Variants in NEURL1B observed in about 807,000 individuals in gnomAD.
NEURL1B encodes E3 ubiquitin-protein ligase NEURL1B.
In NEURL1B, 13 loss-of-function variants were observed where a neutral mutation model predicts 37.4. The ratio of observed to expected loss-of-function variants is 0.35; its 90% confidence interval spans 0.23 to 0.55. The LOEUF (loss-of-function observed/expected upper bound fraction) is 0.55, where lower values mean the gene tolerates loss of function less well. Ranked by LOEUF, NEURL1B falls within the 20% of genes least tolerant of loss-of-function variation. NEURL1B has a pLI of 0.89. For missense variants in NEURL1B, 790 were observed against 879.2 expected (o/e 0.90, Z 1.28); for synonymous variants, 432 against 426.6 (o/e 1.01, Z -0.16).
rs1395407423 is a variant in NEURL1B at position 172,675,030 on chromosome 5, C to T, written c.577+4700C>T. ...GATGACAGGCGCCTGCCACCACGCC[C>T]GGCTAATTTTTGTATTTTTAGTAAA... On this transcript the variant is annotated intron_variant, in intron 2 of 4. Transcript: ENST00000369800. This position sits in a 1 kb window ranked among gnomAD's most constrained non-coding sequence, Gnocchi z 4.7. Among the ~76,000 whole-genome samples, 15 of 152,062 alleles carry T rather than the reference C, an allele frequency of 9.9e-5. No individual in the cohort carries two copies. The highest frequency in any genetic ancestry group is 4.2e-4 in the South Asian group (2 of 4,810).
intron 2 of NEURL1B, among the ~76,000 whole-genome samples, chr5:172,681,280 G>C (rs1385699895): frequency 6.6e-6 from 1 of 152,114 alleles, no homozygotes; most frequent in African/African-American, 2.4e-5. Context: ...AGATAATACA[G>C]AAAAATCTAA....
At chr5:172,646,244 C>G (rs1160774211) in intron 1 of NEURL1B, among the ~76,000 whole-genome samples, 1 of 152,182 alleles carries the variant, frequency 6.6e-6, no homozygotes, top group Non-Finnish European at 1.5e-5. Context: ...CTCTCTGTGC[C>G]TCAGTTTCCT....
Position 172,665,654 on chromosome 5 carries a change from G to A in NEURL1B, c.32-4131G>A, listed in dbSNP as rs1377896441. On this transcript the variant is annotated intron_variant, in intron 1 of 4. Coordinates refer to ENST00000369800, the MANE Select transcript of NEURL1B (RefSeq NM_001142651.3). The surrounding 1 kb of genome is among the most constrained non-coding windows in gnomAD (Gnocchi z 4.1). Reference sequence around the variant, plus strand: ...TACAAGGCAGTGACTGCCCAACCTGGCACACCCCCTGCCACACCTACCGTA... The same window carrying A: ...TACAAGGCAGTGACTGCCCAACCTGACACACCCCCTGCCACACCTACCGTA... 6.6e-6 allele frequency among the ~76,000 whole-genome samples: 1 copy of A among 151,980 alleles called. No individual in the cohort carries two copies. The highest frequency in any genetic ancestry group is 1.5e-5 in the Non-Finnish European group (1 of 67,986).
intron 2 of NEURL1B, among the ~76,000 whole-genome samples, chr5:172,673,523 C>T (rs1374148888): frequency 1.3e-5 from 2 of 152,154 alleles, no homozygotes; most frequent in Non-Finnish European, 2.9e-5. Flanking sequence ...ACAAAAGTGG[C>T]ATCTGGGTAG....
At chr5:172,653,375 A>G (rs1164498615) in intron 1 of NEURL1B, among the ~76,000 whole-genome samples, 1 of 152,112 alleles carries the variant, frequency 6.6e-6, no homozygotes, top group Non-Finnish European at 1.5e-5. Flanking sequence ...TTTCACCTTT[A>G]TATTAGTGTG....
rs751077362 is a variant in NEURL1B, at chr5:172,665,340, C to T, written c.32-4445C>T. ...TCTGCTGTCCCTGAGCTATCTCTGC[C>T]GATGGTCTGCACCCGGGTGCTGTTT... On this transcript the variant is annotated intron_variant, in intron 1 of 4. Coordinates refer to ENST00000369800, the MANE Select transcript of NEURL1B (RefSeq NM_001142651.3). This position sits in a 1 kb window ranked among gnomAD's most constrained non-coding sequence, Gnocchi z 4.1. Among the ~76,000 whole-genome samples the T allele has an allele frequency of 2.7e-4, 41 of 152,192 alleles. 1 individual carries two copies. The highest frequency in any genetic ancestry group is 8.8e-5 in the Non-Finnish European group (6 of 68,036).
intron 1 of NEURL1B, among the ~76,000 whole-genome samples, chr5:172,643,934 C>G (rs547866055): frequency 6.6e-6 from 1 of 152,002 alleles, no homozygotes; most frequent in South Asian, 2.1e-4. Flanking sequence ...ATTCTTCTGC[C>G]CTCCTCCCCA....
intron 1 of NEURL1B, among the ~76,000 whole-genome samples, 176 bp from the exon 2 acceptor site, chr5:172,669,609 A>G (rs1297798463): frequency 6.6e-6 from 1 of 152,144 alleles, no homozygotes; most frequent in African/African-American, 2.4e-5. Flanking sequence ...TGGCAAAGAG[A>G]TTAGGGCCAG....
chr5:172,656,651 C>A, intron 1 of NEURL1B: 1 of 1,593,226 alleles, frequency 6.3e-7, no homozygotes, highest in South Asian at 1.1e-5. Context: ...CCTCGTCCAT[C>A]TCCTTGGCCT....
In NEURL1B at chr5:172,676,860, C is replaced by G. The variant is rs1758241227; in HGVS notation, c.577+6530C>G. Among the ~76,000 whole-genome samples the G allele has an allele frequency of 6.6e-6, 1 of 152,228 alleles. No individual in the cohort carries two copies. Among genetic ancestry groups the G allele is most frequent in the African/African-American group, 2.4e-5 (1 of 41,452 alleles). On this transcript the variant is annotated intron_variant, in intron 2 of 4. Coordinates refer to ENST00000369800, the MANE Select transcript of NEURL1B (RefSeq NM_001142651.3). This position sits in a 1 kb window ranked among gnomAD's most constrained non-coding sequence, Gnocchi z 4.5. Reference sequence around the variant, plus strand: ...AGAGAACTTGGCCAAGGTTGCATAACTGTTGGTGGTCCTAAAGTCAGAGTT... The same window carrying G: ...AGAGAACTTGGCCAAGGTTGCATAAGTGTTGGTGGTCCTAAAGTCAGAGTT...
chr5:172,679,569 T>A (rs1256220902), intron 2 of NEURL1B, among the ~76,000 whole-genome samples: 1 of 152,234 alleles, frequency 6.6e-6, no homozygotes, highest in African/African-American at 2.4e-5. Context: ...CGCTGTGCTG[T>A]CTTGGGCCTG....
At chr5:172,658,591 C>T (rs1378558017) in intron 1 of NEURL1B, among the ~76,000 whole-genome samples, 1 of 152,172 alleles carries the variant, frequency 6.6e-6, no homozygotes, top group Non-Finnish European at 1.5e-5. Context: ...TCCTTCCCTG[C>T]AGGGATGACT....
intron 2 of NEURL1B, among the ~76,000 whole-genome samples, chr5:172,682,698 A>G (rs926068414): frequency 7.2e-5 from 11 of 152,232 alleles, no homozygotes; most frequent in African/African-American, 2.7e-4. Flanking sequence ...TGTGCTGTGA[A>G]CACAGCAGTG....
Position 172,649,904 on chromosome 5 carries a change from C to G in NEURL1B, c.31+8467C>G, listed in dbSNP as rs188596185. On this transcript the variant is annotated intron_variant, in intron 1 of 4. Transcript: ENST00000369800. ...CCCAGCAAACTCATCCCTTCTTCTC[C>G]TTTCATCTTATTACCAGGACTCAGG... 4.3e-4 allele frequency among the ~76,000 whole-genome samples: 66 copies of G among 152,276 alleles called. 1 individual carries two copies. In the East Asian group the frequency reaches 0.011, roughly 25 times the overall value.
At chr5:172,650,105 T>C (rs1419441640) in intron 1 of NEURL1B, among the ~76,000 whole-genome samples, 1 of 152,238 alleles carries the variant, frequency 6.6e-6, no homozygotes, top group East Asian at 1.9e-4. Context: ...CATTACACAT[T>C]GTTTATATCA....
chr5:172,660,501 C>T (rs1057396488), intron 1 of NEURL1B, among the ~76,000 whole-genome samples: 1 of 152,228 alleles, frequency 6.6e-6, no homozygotes, highest in Non-Finnish European at 1.5e-5. Context: ...CCAGCGCGGG[C>T]TGGCCCTTTT....
rs1757590049 is a variant in NEURL1B, at chr5:172,647,938, C to T, written c.31+6501C>T. On this transcript the variant is annotated intron_variant, in intron 1 of 4. Transcript: ENST00000369800. This position sits in a 1 kb window ranked among gnomAD's most constrained non-coding sequence, Gnocchi z 4.2. Reference sequence around the variant, plus strand: ...CAGTGCTCCCAATACCTTCCCTGGGCCCAGGGTCCTCACAGGCCCTTCCCC... The same window carrying T: ...CAGTGCTCCCAATACCTTCCCTGGGTCCAGGGTCCTCACAGGCCCTTCCCC... Among the ~76,000 whole-genome samples the T allele has an allele frequency of 6.6e-6, 1 of 152,152 alleles. No homozygotes were observed. Among genetic ancestry groups the T allele is most frequent in the Non-Finnish European group, 1.5e-5 (1 of 68,030 alleles).
intron 1 of NEURL1B, among the ~76,000 whole-genome samples, chr5:172,652,320 G>A (rs1757683078): frequency 6.6e-6 from 1 of 152,258 alleles, no homozygotes; most frequent in Non-Finnish European, 1.5e-5. Context: ...CACCTTAGTG[G>A]AAAGGTGACA....
rs759815691 is a variant in NEURL1B, at chr5:172,687,059, G to A, written c.*134G>A. The stretch of plus-strand genomic sequence containing the variant: ...CAGTGGTGGGCAAGGTGTGACAGTC[G>A]TGGAGCGAGGCCCACAGGGCCTCAG... On this transcript the variant is annotated 3_prime_UTR_variant, in exon 5 of 5. Coordinates refer to ENST00000369800, the MANE Select transcript of NEURL1B (RefSeq NM_001142651.3). The A allele has an allele frequency of 1.5e-5, 17 of 1,104,044 alleles. No homozygotes were observed. The highest frequency in any genetic ancestry group is 1.3e-4 in the East Asian group (5 of 38,268). 68.4% of individuals were successfully genotyped at this position (1,104,044 alleles called of 1,614,324 possible). A position where few individuals can be genotyped will look rare whatever the true frequency, so the allele number is the denominator to read the frequency against.
Sources: allele counts gnomAD v4.1 joint callset (sites outside exome capture counted in the v4.1 genomes callset), GRCh38; gene constraint gnomAD v4.1.1; non-coding constraint Gnocchi (gnomAD v3.1); transcripts MANE v1.5; gene names NCBI Gene and HGNC (gene_info 2026-07-23, HGNC 2026-07-21).